The following SP4 variants were observed in gnomAD, a reference collection of about 807,000 sequenced individuals.
SP4 encodes the protein transcription factor Sp4.
A neutral mutation model predicts 72.8 loss-of-function variants in SP4; 19 were observed. The observed-to-expected ratio is 0.26, with a 90% CI of 0.18 to 0.38. The LOEUF is 0.38. Ranked by LOEUF, SP4 falls within the 10% of genes least tolerant of loss-of-function variation. The pLI, the probability that SP4 is intolerant of heterozygous loss-of-function variation, is 1.00. For synonymous variants in SP4, 395 were observed against 333.1 expected, an observed-to-expected ratio of 1.19 and a Z score of -2.02; for missense variants, 1,008 against 926.3, an observed-to-expected ratio of 1.09 and a Z score of -1.14.
At chr7:21,454,215 T>G (rs1488951313) in intron 3 of SP4, among the ~76,000 whole-genome samples, 1 of 152,228 alleles carries the variant, frequency 6.6e-6, no homozygotes, top group Non-Finnish European at 1.5e-5. Flanking sequence ...TGGCTAACTC[T>G]GTGTGTCTTC....
chr7:21,440,640 A>C (rs1258101686), intron 3 of SP4, among the ~76,000 whole-genome samples: 1 of 152,072 alleles, frequency 6.6e-6, no homozygotes, highest in African/African-American at 2.4e-5. Flanking sequence ...ACTTGAGCTC[A>C]GGAGTTTGAG....
At chr7:21,481,079 G>A (rs765264327) in intron 4 of SP4, among the ~76,000 whole-genome samples, 2 of 152,144 alleles carry the variant, frequency 1.3e-5, no homozygotes, top group Non-Finnish European at 2.9e-5. Context: ...TTGACTTTAT[G>A]AACTATGAAT....
intron 3 of SP4, among the ~76,000 whole-genome samples, chr7:21,475,389 C>T (rs1344023620): frequency 6.6e-6 from 1 of 152,078 alleles, no homozygotes; most frequent in Non-Finnish European, 1.5e-5. Flanking sequence ...GCTGGGATTA[C>T]AGGCCTGAGC....
rs907571195 is a variant in SP4, at chr7:21,430,784, A to G, written c.1619A>G (p.Asn540Ser). ...VPNLQTVSVA[N>S]LGAAGVQVQG... ...AACCTTCAGACAGTGAGCGTTGCCA[A>G]CCTGGGTGCTGCAGGTGTTCAAGTG... Residue 540 changes from asparagine (N) to serine (S), a missense_variant, in exon 3 of 6, where the codon AAC (asparagine) becomes AGC (serine). Transcript: ENST00000222584. 20 of 1,614,038 alleles carry G rather than the reference A, an allele frequency of 1.2e-5. No individual in the cohort carries two copies. The highest frequency in any genetic ancestry group is 1.6e-4 in the Middle Eastern group (1 of 6,084).
chr7:21,428,894 A>G (rs1782727091), intron 2 of SP4, 102 bp downstream of exon 2: 7 of 912,362 alleles, frequency 7.7e-6, no homozygotes, highest in Non-Finnish European at 1.2e-5. Flanking sequence ...ATGTTTATCC[A>G]CTCAAAGCAT....
At position 21,473,588 on chromosome 7, in the gene SP4, A is replaced by G. The variant is rs369541535; in HGVS notation, c.1679-3491A>G. Among the ~76,000 whole-genome samples, 34 of 152,302 alleles carry G rather than the reference A, an allele frequency of 2.2e-4. No individual in the cohort carries two copies. In the East Asian group the frequency reaches 3.5e-3, roughly 16 times the overall value. On this transcript the variant is annotated intron_variant, in intron 3 of 5. Coordinates refer to ENST00000222584, the MANE Select transcript of SP4 (RefSeq NM_003112.5). ...AGTAATTTAAGACAAATAAGACAAA[A>G]CTAGGTGATGATACAGTGATATATT...
chr7:21,438,260 A>G (rs1227048496), intron 3 of SP4, among the ~76,000 whole-genome samples: 2 of 152,206 alleles, frequency 1.3e-5, no homozygotes, highest in African/African-American at 2.4e-5. Flanking sequence ...TTTAAGGTCT[A>G]TGAAATTAGA....
At chr7:21,433,805 T>C (rs2128390514) in intron 3 of SP4, among the ~76,000 whole-genome samples, 1 of 152,276 alleles carries the variant, frequency 6.6e-6, no homozygotes, top group African/African-American at 2.4e-5. Context: ...CTGGGCGTGG[T>C]GGCACATGCC....
At chr7:21,431,944 TA>T (rs1400290638) in intron 3 of SP4, among the ~76,000 whole-genome samples, 1 of 152,246 alleles carries the variant, frequency 6.6e-6, no homozygotes, top group Non-Finnish European at 1.5e-5. Context: ...CATATATATG[TA>T]AAATTGTAAA....
intron 3 of SP4, among the ~76,000 whole-genome samples, chr7:21,450,022 A>G (rs1204015597): frequency 6.6e-6 from 1 of 151,976 alleles, no homozygotes; most frequent in Non-Finnish European, 1.5e-5. Context: ...ATTTTATTTT[A>G]TAAAACTATT....
rs1456425664 is a variant in SP4 at position 21,512,190 on chromosome 7, T to C, written c.*921T>C. On this transcript the variant is annotated 3_prime_UTR_variant, in exon 6 of 6. Transcript: ENST00000222584. ...TCTGTAGTTTCATATTTTGTAAATA[T>C]GAGTTATGTTGACAATGTGCAGAAT... 2.0e-5 allele frequency: 3 copies of C among 152,624 alleles called. No homozygotes were observed. The highest frequency in any genetic ancestry group is 2.9e-5 in the Non-Finnish European group (2 of 68,026). 9.5% of individuals were successfully genotyped at this position (152,624 alleles called of 1,614,324 possible). A position where few individuals can be genotyped will look rare whatever the true frequency, so the allele number is the denominator to read the frequency against.
In SP4 at chr7:21,502,155, A is replaced by C. The variant is rs1362755258; in HGVS notation, c.2108-8867A>C. Among the ~76,000 whole-genome samples the C allele has an allele frequency of 3.3e-5, 5 of 150,886 alleles. No homozygotes were observed. In the Admixed American group the frequency reaches 3.3e-4, roughly 10 times the overall value. On this transcript the variant is annotated intron_variant, in intron 5 of 5. Transcript: ENST00000222584. ...ATTTTCGGGTATCTTATGGAATACC[A>C]GGATGAAGGGAATGGCCAACTGGAC...
chr7:21,436,964 C>T (rs1019241299), intron 3 of SP4, among the ~76,000 whole-genome samples: 3 of 152,112 alleles, frequency 2.0e-5, no homozygotes, highest in Non-Finnish European at 2.9e-5. Context: ...TTGACTTCTC[C>T]TCCAGTTGTC....
intron 3 of SP4, among the ~76,000 whole-genome samples, chr7:21,457,493 A>G (rs1356675722): frequency 6.6e-6 from 1 of 152,216 alleles, no homozygotes; most frequent in Non-Finnish European, 1.5e-5. Context: ...CTTGCTTTGT[A>G]TTTAATTATT....
chr7:21,483,494 T>C (rs1414131946), intron 5 of SP4, among the ~76,000 whole-genome samples: 2 of 151,978 alleles, frequency 1.3e-5, no homozygotes. Flanking sequence ...TTTAAAGTTT[T>C]ATTTTTGTAA....
intron 3 of SP4, among the ~76,000 whole-genome samples, chr7:21,442,038 ATTTTTTT>A (rs11300598): frequency 1.1e-5 from 1 of 93,328 alleles, no homozygotes; most frequent in Non-Finnish European, 2.0e-5. Flanking sequence ...GTGTGTGTGT[ATTTTTTT>A]TTTTTTTTTT....
In SP4 at chr7:21,430,426, C is replaced by G. The variant is rs201411762; in HGVS notation, c.1261C>G (p.Pro421Ala). 3.2e-5 allele frequency: 51 copies of G among 1,614,070 alleles called. No homozygotes were observed. The African/African-American group carries it at 6.3e-4, about 20-fold the overall frequency. Reference sequence around the variant, plus strand: ...TCAGCAACAGATCATTCAGGCTATTCCACCACAGTCGTTTCAACTCCAGTC... The same window carrying G: ...TCAGCAACAGATCATTCAGGCTATTGCACCACAGTCGTTTCAACTCCAGTC... Reference protein sequence around the residue: ...QPQQQIIQAIPPQSFQLQSGQ... With the variant: ...QPQQQIIQAIAPQSFQLQSGQ... Residue 421 changes from proline to alanine, a missense_variant, in exon 3 of 6, where the codon CCA becomes GCA. By Grantham distance (27) the Pro-to-Ala change is conservative. Transcript: ENST00000222584.
At chr7:21,471,785 G>A (rs982795412) in intron 3 of SP4, among the ~76,000 whole-genome samples, 6 of 152,224 alleles carry the variant, frequency 3.9e-5, no homozygotes, top group Non-Finnish European at 8.8e-5. Context: ...AGTAAGCCAT[G>A]ATTGTGCCGC....
At chr7:21,505,474 TTGACCAAATACGTTTGGGGCTTCTG>T (rs1304748175) in intron 5 of SP4, among the ~76,000 whole-genome samples, 1 of 152,204 alleles carries the variant, frequency 6.6e-6, no homozygotes, top group Non-Finnish European at 1.5e-5. Context: ...TTTCTAAGAT[TTGACCAAATACGTTTGGGGCTTCTG>T]TGAAACCTTG....
Sources: gnomAD v4.1 joint callset for allele counts (sites outside exome capture counted in the v4.1 genomes callset) on GRCh38, gnomAD v4.1.1 for gene constraint, MANE v1.5 for transcripts, NCBI Gene and HGNC (gene_info 2026-07-23, HGNC 2026-07-21) for gene names.